Variants in NMRK1 observed in about 807,000 individuals in gnomAD.
NMRK1 encodes the protein nicotinamide riboside kinase 1.
A neutral mutation model predicts 29.9 loss-of-function variants in NMRK1; 28 were observed. The observed-to-expected ratio is 0.94, with a 90% CI of 0.69 to 1.28. The LOEUF (loss-of-function observed/expected upper bound fraction) is 1.28. NMRK1 is among the 50% of genes most tolerant of loss of function. NMRK1 has a pLI of 0.00. For missense variants in NMRK1, 218 were observed against 233.1 expected (o/e 0.94, Z 0.42); for synonymous variants, 58 against 73.0 (o/e 0.79, Z 1.05).
rs762387071 is a variant in NMRK1, at chr9:75,066,741, T to A, written c.580+16A>T. 1.4e-6 allele frequency: 2 copies of A among 1,439,658 alleles called. No homozygotes were observed. Among genetic ancestry groups the A allele is most frequent in the Non-Finnish European group, 2.0e-6 (2 of 1,021,282 alleles). The allele number at this position is 1,439,658 out of a possible 1,614,324, so 89.2% of individuals were successfully genotyped here. On this transcript the variant is annotated intron_variant, in intron 8 of 8. Coordinates refer to ENST00000361092, the MANE Select transcript of NMRK1 (RefSeq NM_017881.3). ...TGTTTCTCCTCTACCATCCACTTTG[T>A]TAGCACAATACTTACACTTTTGCTT...
intron 1 of NMRK1, among the ~76,000 whole-genome samples, chr9:75,086,973 T>C (rs1184963109): frequency 6.7e-6 from 1 of 150,122 alleles, no homozygotes; most frequent in Admixed American, 6.7e-5. Flanking sequence ...TGGCGCAATC[T>C]CGGCTTACTG....
intron 1 of NMRK1, among the ~76,000 whole-genome samples, chr9:75,085,137 T>G (rs1315418521): frequency 5.9e-5 from 9 of 152,186 alleles, no homozygotes; most frequent in Non-Finnish European, 1.2e-4. Flanking sequence ...CCAAATAAAA[T>G]AAAAATTCAT....
At chr9:75,075,106 C>A (rs1823914700) in intron 4 of NMRK1, among the ~76,000 whole-genome samples, 1 of 152,140 alleles carries the variant, frequency 6.6e-6, no homozygotes, top group Non-Finnish European at 1.5e-5. Flanking sequence ...AAGTAACTTG[C>A]AGTTCTTTAA....
At chr9:75,077,386 C>CA in intron 3 of NMRK1, 104 bp downstream of exon 3, 2 of 973,980 alleles carry the variant, frequency 2.1e-6, no homozygotes, top group Non-Finnish European at 3.2e-6. Context: ...AATTTCAATA[C>CA]AAAACGTAAA....
rs1174498195 is a variant in NMRK1, at chr9:75,066,168, A to G, written c.580+589T>C. ...CTCCTACAAGCTTAGAGTTCCAACA[A>G]TGGAACACTAGGCATAAATGAGTTA... is the stretch of plus-strand genomic sequence containing the variant. On this transcript the variant is annotated intron_variant, in intron 8 of 8. Coordinates refer to ENST00000361092, the MANE Select transcript of NMRK1 (RefSeq NM_017881.3). 2.7e-5 allele frequency: 12 copies of G among 443,076 alleles called. No homozygotes were observed. In the Middle Eastern group the frequency reaches 1.0e-3, roughly 38 times the overall value. 27.4% of individuals were successfully genotyped at this position (443,076 alleles called of 1,614,324 possible).
chr9:75,072,896 C>G (rs978267655), intron 4 of NMRK1, among the ~76,000 whole-genome samples: 1 of 152,088 alleles, frequency 6.6e-6, no homozygotes, highest in South Asian at 2.1e-4. Flanking sequence ...TTATTAGGTG[C>G]ATGTTCTGTA....
chr9:75,071,795 G>A (rs1823715405), intron 4 of NMRK1, among the ~76,000 whole-genome samples: 1 of 152,180 alleles, frequency 6.6e-6, no homozygotes, highest in Admixed American at 6.5e-5. Flanking sequence ...GTGGGTAGAA[G>A]TTCAGCTTTC....
chr9:75,074,135 G>A (rs11144216), intron 4 of NMRK1, among the ~76,000 whole-genome samples: 46,570 of 150,734 alleles, frequency 0.31, 9,440 homozygotes, highest in African/African-American at 0.58. Context: ...TTGGCTCACT[G>A]CAACCTCAGC....
At chr9:75,079,038 A>G (rs1241268632) in intron 2 of NMRK1, among the ~76,000 whole-genome samples, 1 of 152,232 alleles carries the variant, frequency 6.6e-6, no homozygotes, top group African/African-American at 2.4e-5. Flanking sequence ...TCCTGACTAC[A>G]CATCTATTTG....
At chr9:75,071,854 A>G (rs1274067176) in intron 4 of NMRK1, among the ~76,000 whole-genome samples, 1 of 151,886 alleles carries the variant, frequency 6.6e-6, no homozygotes, top group Non-Finnish European at 1.5e-5. Context: ...AAGGAAGGTG[A>G]AGTGCCAACC....
At chr9:75,075,057 T>C (rs1026587454) in intron 4 of NMRK1, among the ~76,000 whole-genome samples, 2 of 152,194 alleles carry the variant, frequency 1.3e-5, no homozygotes, top group Admixed American at 1.3e-4. Flanking sequence ...TAATTATCAT[T>C]GCTTTAAACA....
At chr9:75,085,192 T>A (rs1037194272) in intron 1 of NMRK1, among the ~76,000 whole-genome samples, 11 of 152,238 alleles carry the variant, frequency 7.2e-5, no homozygotes, top group Non-Finnish European at 1.5e-4. Flanking sequence ...GATAGCTCGC[T>A]GAAGCATAAA....
Position 75,069,944 on chromosome 9 carries a change from C to G in NMRK1, c.268G>C (p.Glu90Gln), listed in dbSNP as rs35472028. The G allele has an allele frequency of 3.0e-3, 4,785 of 1,614,002 alleles. 21 individuals are homozygous for G. Among genetic ancestry groups the G allele is most frequent in the African/African-American group, 0.018 (1,336 of 75,028 alleles). Reference sequence around the variant, plus strand: ...TCGATGATTAAAATGGGAATTTCCTCAGCACTTTCCTGGTCTGTTGATACC... The same window carrying G: ...TCGATGATTAAAATGGGAATTTCCTGAGCACTTTCCTGGTCTGTTGATACC... Reference protein sequence around the residue: ...SVVSTDQESAEEIPILIIEGF... With the variant: ...SVVSTDQESAQEIPILIIEGF... Residue 90 changes from glutamate (E) to glutamine (Q), a missense_variant, in exon 5 of 9, where the codon GAG becomes CAG. Coordinates refer to ENST00000361092, the MANE Select transcript of NMRK1 (RefSeq NM_017881.3).
At chr9:75,075,592 A>G (rs1001638612) in intron 4 of NMRK1, among the ~76,000 whole-genome samples, 6 of 152,250 alleles carry the variant, frequency 3.9e-5, no homozygotes, top group African/African-American at 7.2e-5. Flanking sequence ...AGATAATCAA[A>G]TATTAAACTG....
At chr9:75,084,736 G>A (rs1824519279) in intron 1 of NMRK1, among the ~76,000 whole-genome samples, 1 of 152,224 alleles carries the variant, frequency 6.6e-6, no homozygotes. Context: ...GTAGCAGTGA[G>A]TGGAGATTGA....
intron 1 of NMRK1, among the ~76,000 whole-genome samples, chr9:75,084,114 C>T (rs1824480529): frequency 6.6e-6 from 1 of 152,190 alleles, no homozygotes; most frequent in Non-Finnish European, 1.5e-5. Flanking sequence ...TTGGTTATTA[C>T]AATGGGCCAT....
chr9:75,082,523 G>A (rs573647542), intron 2 of NMRK1, among the ~76,000 whole-genome samples: 4 of 152,200 alleles, frequency 2.6e-5, no homozygotes, highest in Non-Finnish European at 4.4e-5. Context: ...TTCAGTTGAT[G>A]TTGATGTTTT....
At chr9:75,074,060 CT>C (rs1343309515) in intron 4 of NMRK1, among the ~76,000 whole-genome samples, 1 of 151,538 alleles carries the variant, frequency 6.6e-6, no homozygotes, top group East Asian at 1.9e-4. Context: ...TATCCTTTTT[CT>C]TTTTTTTCTT....
chr9:75,060,813 T>G lies in NMRK1; in HGVS notation c.*735A>C, dbSNP rs1163176330. 1 of 148,664 alleles carries G rather than the reference T, an allele frequency of 6.7e-6. No individual in the cohort carries two copies. The highest frequency in any genetic ancestry group is 2.5e-5 in the African/African-American group (1 of 39,642). The allele number at this position is 148,664 out of a possible 1,614,324, so 9.2% of individuals were successfully genotyped here. On this transcript the variant is annotated 3_prime_UTR_variant, in exon 9 of 9. Coordinates refer to ENST00000361092, the MANE Select transcript of NMRK1 (RefSeq NM_017881.3). Reference sequence around the variant, plus strand: ...GGAGAAAGAAACCAGAAACCCTATTTGTAACAAAGTCTCAACAATGAGATA... The same window carrying G: ...GGAGAAAGAAACCAGAAACCCTATTGGTAACAAAGTCTCAACAATGAGATA...
Sources: gnomAD v4.1 joint callset for allele counts (sites outside exome capture counted in the v4.1 genomes callset) on GRCh38, gnomAD v4.1.1 for gene constraint, MANE v1.5 for transcripts, NCBI Gene and HGNC (gene_info 2026-07-23, HGNC 2026-07-21) for gene names.